The following NRIP1 variants were observed in gnomAD, a reference collection of about 807,000 sequenced individuals.
The protein encoded by NRIP1 is nuclear receptor interacting protein 1.
In NRIP1, 28 loss-of-function variants were observed where a neutral mutation model predicts 75.0. The observed-to-expected ratio is 0.37, with a 90% CI of 0.28 to 0.51. The LOEUF (loss-of-function observed/expected upper bound fraction) is 0.51. Among genes scored for constraint, NRIP1 ranks in the 20% least tolerant of loss-of-function variants. The probability of loss-of-function intolerance (pLI) is 0.92; values close to 1 mark genes in which losing one functional copy is unlikely to be tolerated. For missense variants in NRIP1, 1,435 were observed against 1,343.7 expected (o/e 1.07, Z -1.06); for synonymous variants, 526 against 487.6 (o/e 1.08, Z -1.04).
chr21:15,064,434 C>G (rs1480727954), intron 1 of NRIP1, among the ~76,000 whole-genome samples: 1 of 151,342 alleles, frequency 6.6e-6, no homozygotes, highest in African/African-American at 2.5e-5. Context: ...CCCGACCCGG[C>G]CCCCCGAGTC....
intron 3 of NRIP1, among the ~76,000 whole-genome samples, chr21:14,981,294 G>T (rs1033797299): frequency 1.3e-5 from 2 of 152,212 alleles, no homozygotes; most frequent in African/African-American, 4.8e-5. Context: ...AGAAACTGCG[G>T]TGCGTGCTTT....
Position 14,966,094 on chromosome 21 carries a change from C to T in NRIP1, c.2099G>A (p.Gly700Asp), listed in dbSNP as rs1471343568. ...TTCAAGCAGATTTTCTATTTCAGAA[C>T]CAGAAAGCCCTGGTTCAGGACCTGT... is the stretch of plus-strand genomic sequence containing the variant. ...QPTGPEPGLS[G>D]SEIENLLERR... Residue 700 changes from glycine (G) to aspartate (D), a missense_variant, in exon 4 of 4, where the codon GGT becomes GAT. Coordinates refer to ENST00000318948, the MANE Select transcript of NRIP1 (RefSeq NM_003489.4). 12 of 1,612,086 alleles carry T rather than the reference C, an allele frequency of 7.4e-6. No individual in the cohort carries two copies. The highest frequency in any genetic ancestry group is 9.3e-6 in the Non-Finnish European group (11 of 1,179,964).
chr21:14,978,629 G>A (rs902947915), intron 3 of NRIP1, among the ~76,000 whole-genome samples: 24 of 152,128 alleles, frequency 1.6e-4, no homozygotes, highest in African/African-American at 4.8e-4. Context: ...TGAAATAACC[G>A]TTCTGGTGAC....
chr21:15,059,093 G>A (rs2089368402), intron 1 of NRIP1, among the ~76,000 whole-genome samples: 1 of 152,156 alleles, frequency 6.6e-6, no homozygotes, highest in Admixed American at 6.5e-5. Flanking sequence ...AGGGTGAGAG[G>A]CTCCTTTCCA....
At chr21:14,974,524 T>C (rs1388453956) in intron 3 of NRIP1, among the ~76,000 whole-genome samples, 1 of 152,236 alleles carries the variant, frequency 6.6e-6, no homozygotes, top group East Asian at 1.9e-4. Flanking sequence ...ATCATCTCTT[T>C]CTTTACAATC....
chr21:15,051,079 G>C (rs890545184), intron 1 of NRIP1: 1 of 366,016 alleles, frequency 2.7e-6, no homozygotes, highest in African/African-American at 2.1e-5. Flanking sequence ...CTCCAGAAAC[G>C]GCTGCAGCCC....
Position 14,967,096 on chromosome 21 carries a change from A to T in NRIP1, c.1097T>A (p.Leu366Gln), listed in dbSNP as rs572391871. ...SPKNAGYKNS[L>Q]ERNNIKQAAN... ...AGCTTGTTTTATATTGTTTCTTTCC[A>T]GTGAGTTCTTATAACCTGCATTTTT... The change falls in exon 4 of 4, where the codon CTG (leucine) becomes CAG (glutamine). Residue 366 changes from leucine (L) to glutamine (Q), a missense_variant. By Grantham distance (113) the Leu-to-Gln change is moderately radical. Coordinates refer to ENST00000318948, the MANE Select transcript of NRIP1 (RefSeq NM_003489.4). 254 of 1,614,116 alleles carry T rather than the reference A, an allele frequency of 1.6e-4. 4 individuals are homozygous for T. The South Asian group carries it at 2.7e-3, about 17-fold the overall frequency.
intron 3 of NRIP1, among the ~76,000 whole-genome samples, chr21:14,984,641 G>C (rs2087342638): frequency 6.6e-6 from 1 of 152,170 alleles, no homozygotes; most frequent in Admixed American, 6.5e-5. Flanking sequence ...TTTGAAAGAA[G>C]TTCTCCTGTG....
At chr21:15,028,277 A>AGC (rs1287655396) in intron 2 of NRIP1, among the ~76,000 whole-genome samples, 1 of 152,230 alleles carries the variant, frequency 6.6e-6, no homozygotes, top group African/African-American at 2.4e-5. Context: ...GGGAGTGAGA[A>AGC]GCCATTCATC....
chr21:15,041,933 A>G (rs768180904), intron 2 of NRIP1, among the ~76,000 whole-genome samples: 1 of 152,120 alleles, frequency 6.6e-6, no homozygotes, highest in Non-Finnish European at 1.5e-5. Context: ...TTGCTTATTT[A>G]CATTTCTTAT....
chr21:14,965,343 G>C lies in NRIP1; in HGVS notation c.2850C>G (p.Ser950=). ...CAGCCACAGAGTTACTTCTGTGCGG[G>C]GACAAATCTCGCACACAGTTTTCTG... The part of the protein sequence containing the change: ...LLSENCVRDL[S]PHRSNSVADS... Residue 950 remains serine (S), a synonymous_variant, in exon 4 of 4, where the codon TCC becomes TCG. Transcript: ENST00000318948. 1 of 1,613,972 alleles carries C rather than the reference G, an allele frequency of 6.2e-7. No individual in the cohort carries two copies. The highest frequency in any genetic ancestry group is 8.5e-7 in the Non-Finnish European group (1 of 1,179,940).
intron 1 of NRIP1, chr21:15,051,034 T>C: frequency 2.6e-6 from 1 of 391,562 alleles, no homozygotes; most frequent in South Asian, 1.9e-5. Flanking sequence ...ATCCTAAACT[T>C]GGTTACCCGC....
At chr21:15,018,935 TATTA>T (rs1355128381) in intron 2 of NRIP1, among the ~76,000 whole-genome samples, 1 of 152,084 alleles carries the variant, frequency 6.6e-6, no homozygotes, top group Non-Finnish European at 1.5e-5. Flanking sequence ...CACCTTCCAC[TATTA>T]ATTATTATAC....
intron 2 of NRIP1, 144 bp downstream of exon 2, chr21:15,043,351 C>T (rs1330923782): frequency 1.3e-5 from 2 of 152,202 alleles, no homozygotes; most frequent in Non-Finnish European, 2.9e-5. Flanking sequence ...ATATAACCTT[C>T]TTTGTGACAA....
At chr21:14,989,136 CATT>C (rs1378554198) in intron 3 of NRIP1, among the ~76,000 whole-genome samples, 1 of 152,166 alleles carries the variant, frequency 6.6e-6, no homozygotes, top group African/African-American at 2.4e-5. Context: ...ACTGCAGTAA[CATT>C]ATGTAAGACA....
chr21:14,975,682 A>AGGGAG (rs67315399), intron 3 of NRIP1, among the ~76,000 whole-genome samples: 1 of 149,210 alleles, frequency 6.7e-6, no homozygotes, highest in Non-Finnish European at 1.5e-5. Context: ...AAAGAAAGAA[A>AGGGAG]GGGAGGGGAG....
intron 2 of NRIP1, among the ~76,000 whole-genome samples, chr21:15,042,776 G>A (rs1286123118): frequency 6.6e-6 from 1 of 152,138 alleles, no homozygotes; most frequent in Non-Finnish European, 1.5e-5. Flanking sequence ...TGGTGTATAA[G>A]CCTCCCATCT....
At chr21:15,045,171 T>TG in intron 1 of NRIP1, among the ~76,000 whole-genome samples, 1 of 152,270 alleles carries the variant, frequency 6.6e-6, no homozygotes, top group East Asian at 1.9e-4. Context: ...CCTGGTTGGG[T>TG]GGTAGGTGTC....
chr21:14,975,629 A>T (rs1397797531), intron 3 of NRIP1, among the ~76,000 whole-genome samples: 1 of 120,206 alleles, frequency 8.3e-6, no homozygotes, highest in African/African-American at 4.9e-5. Flanking sequence ...ATTTCTTTAA[A>T]AAAAAAAAAA....
Sources: gnomAD v4.1 joint callset for allele counts (sites outside exome capture counted in the v4.1 genomes callset) on GRCh38, gnomAD v4.1.1 for gene constraint, MANE v1.5 for transcripts, NCBI Gene and HGNC (gene_info 2026-07-23, HGNC 2026-07-21) for gene names.